SLC4A4: variants seen among roughly 807,000 people sequenced by gnomAD.
SLC4A4 encodes solute carrier family 4 member 4.
In SLC4A4, 27 loss-of-function variants were observed where a neutral mutation model predicts 111.5. The ratio of observed to expected loss-of-function variants is 0.24; its 90% CI spans 0.18 to 0.33. The LOEUF (loss-of-function observed/expected upper bound fraction) is 0.33, where lower values mean the gene tolerates loss of function less well. SLC4A4 is among the 10% of genes least tolerant of loss of function. The probability of loss-of-function intolerance (pLI) is 1.00; values close to 1 mark genes in which losing one functional copy is unlikely to be tolerated. For missense variants in SLC4A4, 909 were observed against 1,315.5 expected (o/e 0.69, Z 4.78); for synonymous variants, 443 against 463.4 (o/e 0.96, Z 0.57).
rs976737208 is a variant in SLC4A4, at chr4:71,517,757, T to C, written c.2167-14305T>C. The stretch of plus-strand genomic sequence containing the variant: ...TTTCAGTCCTTGCAGAATGTCTTTG[T>C]CTGGAAAAGTTTTTCACCAATCAGC... On this transcript the variant is annotated intron_variant, in intron 16 of 25. Transcript: ENST00000264485. Among the ~76,000 whole-genome samples, 7 of 152,222 alleles carry C rather than the reference T, an allele frequency of 4.6e-5. 1 individual carries two copies. Among genetic ancestry groups the C allele is most frequent in the Admixed American group, 3.3e-4 (5 of 15,280 alleles).
At position 71,191,496 on chromosome 4, in the gene SLC4A4, T is replaced by C. The variant is rs112078890; in HGVS notation, c.-2+4095T>C. Reference sequence around the variant, plus strand: ...AGTATTTTAATCTTTTGACTGGTGATACATGTTTGTCGAATGACTGTCAAT... The same window carrying C: ...AGTATTTTAATCTTTTGACTGGTGACACATGTTTGTCGAATGACTGTCAAT... On this transcript the variant is annotated intron_variant, in intron 1 of 25. Coordinates refer to ENST00000264485, the MANE Select transcript of SLC4A4 (RefSeq NM_001098484.3). Among the ~76,000 whole-genome samples, 1,227 of 152,366 alleles carry C rather than the reference T, an allele frequency of 8.1e-3. 16 individuals are homozygous for C. The highest frequency in any genetic ancestry group is 0.028 in the African/African-American group (1,165 of 41,588).
chr4:71,153,516 C>T (rs1047241131), intron 2 of SLC4A4, among the ~76,000 whole-genome samples: 7 of 152,068 alleles, frequency 4.6e-5, no homozygotes, highest in African/African-American at 1.4e-4. Flanking sequence ...ATTGGCTAGT[C>T]GTTAGTTAAC....
At chr4:71,213,616 T>C (rs145052064) in intron 1 of SLC4A4, among the ~76,000 whole-genome samples, 45 of 152,318 alleles carry the variant, frequency 3.0e-4, no homozygotes, top group African/African-American at 1.1e-3. Context: ...CTCCCTGATA[T>C]GGACTGAATG....
intron 3 of SLC4A4, among the ~76,000 whole-genome samples, chr4:71,334,065 C>G (rs1485409816): frequency 6.6e-6 from 1 of 152,104 alleles, no homozygotes; most frequent in Non-Finnish European, 1.5e-5. Context: ...TCTTCCCTCT[C>G]CTTTCATCCA....
intron 3 of SLC4A4, among the ~76,000 whole-genome samples, chr4:71,284,675 G>A (rs761595473): frequency 6.6e-6 from 1 of 152,190 alleles, no homozygotes; most frequent in South Asian, 2.1e-4. Flanking sequence ...TGGCTTACCA[G>A]TCAACTCTGT....
chr4:71,297,182 G>A (rs908241505), intron 3 of SLC4A4, among the ~76,000 whole-genome samples: 4 of 152,186 alleles, frequency 2.6e-5, no homozygotes, highest in Non-Finnish European at 5.9e-5. Context: ...AGACTTGGCT[G>A]TGGGACAGAG....
rs572933031 is a variant in SLC4A4, at chr4:71,401,090, C to T, written c.807+3437C>T. ...GATGGTGCCTTGCAACTTCCTGGAG[C>T]TACCTAACTTCTTAGTAGCACAAAG... On this transcript the variant is annotated intron_variant, in intron 7 of 25. Coordinates refer to ENST00000264485, the MANE Select transcript of SLC4A4 (RefSeq NM_001098484.3). 3.3e-5 allele frequency among the ~76,000 whole-genome samples: 5 copies of T among 152,210 alleles called. No individual in the cohort carries two copies. The East Asian group carries it at 9.6e-4, about 29-fold the overall frequency.
intron 2 of SLC4A4, among the ~76,000 whole-genome samples, chr4:71,177,999 C>A (rs1578554841): frequency 6.6e-6 from 1 of 152,308 alleles, no homozygotes; most frequent in East Asian, 1.9e-4. Flanking sequence ...ACAGTGCAAT[C>A]AAACTGGAAC....
intron 2 of SLC4A4, among the ~76,000 whole-genome samples, chr4:71,102,643 A>C (rs1457327358): frequency 1.4e-4 from 21 of 151,222 alleles, no homozygotes; most frequent in Middle Eastern, 3.4e-3. Context: ...AGAATTTTCA[A>C]CCCAGAATTT....
At chr4:71,247,741 C>T (rs1720781925) in intron 2 of SLC4A4, among the ~76,000 whole-genome samples, 1 of 152,232 alleles carries the variant, frequency 6.6e-6, no homozygotes, top group Non-Finnish European at 1.5e-5. Flanking sequence ...TTTTGTCTGA[C>T]AGCATGTGTA....
At chr4:71,248,689 C>G (rs1245004580) in intron 2 of SLC4A4, among the ~76,000 whole-genome samples, 1 of 152,050 alleles carries the variant, frequency 6.6e-6, no homozygotes, top group Non-Finnish European at 1.5e-5. Context: ...GATCACTGAA[C>G]ATAATAAAGT....
At chr4:71,295,370 G>A (rs1724705428) in intron 3 of SLC4A4, among the ~76,000 whole-genome samples, 1 of 152,052 alleles carries the variant, frequency 6.6e-6, no homozygotes, top group South Asian at 2.1e-4. Context: ...AGCAACCCCT[G>A]GACTGGTACT....
In SLC4A4 at chr4:71,430,411, T is replaced by G. The variant is rs183875800; in HGVS notation, c.808-10205T>G. Among the ~76,000 whole-genome samples, 33 of 152,240 alleles carry G rather than the reference T, an allele frequency of 2.2e-4. No homozygotes were observed. In the East Asian group the frequency reaches 5.0e-3, roughly 23 times the overall value. ...ATAATGTGCTTTATTTATTTCCCAG[T>G]GGGATATAAAGCATTCCTAGGTATA... On this transcript the variant is annotated intron_variant, in intron 7 of 25. Coordinates refer to ENST00000264485, the MANE Select transcript of SLC4A4 (RefSeq NM_001098484.3).
chr4:71,083,835 T>A (rs1007891221), intron 1 of SLC4A4, among the ~76,000 whole-genome samples: 5 of 139,628 alleles, frequency 3.6e-5, no homozygotes, highest in African/African-American at 1.3e-4. Flanking sequence ...GGAGTTGTTT[T>A]GAGGGTTAAA....
rs1460800921 is a variant in SLC4A4, at chr4:71,105,620, T to C, written c.-2+12828T>C. Among the ~76,000 whole-genome samples, 171 of 140,528 alleles carry C rather than the reference T, an allele frequency of 1.2e-3. 1 individual carries two copies. The highest frequency in any genetic ancestry group is 4.6e-3 in the African/African-American group (166 of 36,372). The allele number at this position is 140,528 out of a possible 152,430, so 92.2% of individuals were successfully genotyped here. ...CAGAGCCCTCAGAAATAACGCCGCA[T>C]ATCTACAACTATCTGATCTTTGACA... On this transcript the variant is annotated intron_variant, in intron 2 of 26. Transcript: ENST00000649996.
rs577810077 is a variant in SLC4A4, at chr4:71,447,414, C to A, written c.966-232C>A. ...TTTCCTGCTCAGTGAAGAAGCTTCTCAGGTTTCTATGCTATATTCTCATTT... is the reference window on the plus strand; with the variant it reads ...TTTCCTGCTCAGTGAAGAAGCTTCTAAGGTTTCTATGCTATATTCTCATTT... On this transcript the variant is annotated intron_variant, in intron 8 of 25. Transcript: ENST00000264485. Among the ~76,000 whole-genome samples the A allele has an allele frequency of 3.9e-5, 6 of 152,300 alleles. No homozygotes were observed. In the South Asian group the frequency reaches 1.2e-3, roughly 32 times the overall value.
intron 1 of SLC4A4, among the ~76,000 whole-genome samples, chr4:71,213,143 C>T (rs765176139): frequency 2.6e-5 from 4 of 152,146 alleles, no homozygotes; most frequent in Non-Finnish European, 4.4e-5. Context: ...AATTGACAAA[C>T]GATGCATTTC....
chr4:71,282,790 T>C (rs1723628500), intron 3 of SLC4A4, among the ~76,000 whole-genome samples: 1 of 151,724 alleles, frequency 6.6e-6, no homozygotes, highest in Non-Finnish European at 1.5e-5. Context: ...TTGCCCAGGC[T>C]GGTCTCAAAC....
chr4:71,337,002 A>G (rs1194610276), intron 3 of SLC4A4, among the ~76,000 whole-genome samples: 2 of 152,346 alleles, frequency 1.3e-5, no homozygotes, highest in Admixed American at 6.5e-5. Flanking sequence ...CAAGAAGGCA[A>G]CACAGCTACA....
Sources: gnomAD v4.1 joint callset for allele counts (sites outside exome capture counted in the v4.1 genomes callset) on GRCh38, gnomAD v4.1.1 for gene constraint, MANE v1.5 for transcripts, NCBI Gene and HGNC (gene_info 2026-07-23, HGNC 2026-07-21) for gene names.